Variants in CNTN6 observed in about 807,000 individuals in gnomAD.
CNTN6 encodes the protein contactin-6.
CNTN6 carries 137 observed loss-of-function variants against 122.8 expected under a neutral mutation model. The ratio of observed to expected loss-of-function variants is 1.12; its 90% CI spans 0.97 to 1.29. The LOEUF (loss-of-function observed/expected upper bound fraction) is 1.29. CNTN6 is among the 50% of genes most tolerant of loss of function. The pLI is 0.00. For missense variants in CNTN6, 1,634 were observed against 1,223.4 expected (o/e 1.34, Z -5.01); for synonymous variants, 570 against 426.0 (o/e 1.34, Z -4.16).
At chr3:1,182,692 T>TAA (rs2093573732) in intron 2 of CNTN6, among the ~76,000 whole-genome samples, 1 of 151,944 alleles carries the variant, frequency 6.6e-6, no homozygotes, top group African/African-American at 2.4e-5. Context: ...TTCATATGAG[T>TAA]AAAAGAACAG....
At chr3:1,260,117 A>G (rs768028162) in intron 4 of CNTN6, among the ~76,000 whole-genome samples, 3 of 152,148 alleles carry the variant, frequency 2.0e-5, no homozygotes, top group Non-Finnish European at 4.4e-5. Context: ...AATTTAGTGA[A>G]AGTGCCTATA....
At chr3:1,389,736 C>CA (rs1693809070) in intron 20 of CNTN6, among the ~76,000 whole-genome samples, 1 of 149,334 alleles carries the variant, frequency 6.7e-6, no homozygotes, top group South Asian at 2.2e-4. Flanking sequence ...CAATGGAAAA[C>CA]AAAAAAAGGC....
At chr3:1,244,826 A>C (rs150383579) in intron 4 of CNTN6, among the ~76,000 whole-genome samples, 8,645 of 151,188 alleles carry the variant, frequency 0.057, 337 homozygotes, top group East Asian at 0.14. Flanking sequence ...GGTGGATCTC[A>C]CAAAGTACAT....
intron 5 of CNTN6, among the ~76,000 whole-genome samples, chr3:1,292,644 G>C (rs990186182): frequency 6.6e-6 from 1 of 152,290 alleles, no homozygotes; most frequent in East Asian, 1.9e-4. Flanking sequence ...GAACGGTTCA[G>C]AGTAAGAATA....
In CNTN6 at chr3:1,190,788, C is replaced by G. The variant is rs563828102; in HGVS notation, c.56-29899C>G. Among the ~76,000 whole-genome samples the G allele has an allele frequency of 1.1e-4, 16 of 152,244 alleles. No homozygotes were observed. The East Asian group carries it at 2.9e-3, about 28-fold the overall frequency. ...TCAGCCTGTTCTTTTTGACGCGTGA[C>G]TCACTATCTAGGGATCCCCTTCTGT... On this transcript the variant is annotated intron_variant, in intron 2 of 22. Transcript: ENST00000446702.
Position 1,251,893 on chromosome 3 carries a change from T to C in CNTN6, c.358+23900T>C, listed in dbSNP as rs572936728. ...TTAGTTCTGATTCAGGTCTGACTCA[T>C]TGCCTAGTCCCTGAGCCAGGATGGA... On this transcript the variant is annotated intron_variant, in intron 4 of 22. Coordinates refer to ENST00000446702, the MANE Select transcript of CNTN6 (RefSeq NM_001289080.2). Among the ~76,000 whole-genome samples the C allele has an allele frequency of 2.0e-5, 3 of 152,326 alleles. No homozygotes were observed. The South Asian group carries it at 6.2e-4, about 32-fold the overall frequency.
chr3:1,306,601 G>A (rs1240183010), intron 7 of CNTN6, among the ~76,000 whole-genome samples: 1 of 152,078 alleles, frequency 6.6e-6, no homozygotes, highest in Non-Finnish European at 1.5e-5. Context: ...ATAGCTGGAT[G>A]ACTTTGGTCA....
intron 12 of CNTN6, among the ~76,000 whole-genome samples, chr3:1,353,000 C>A (rs1057089859): frequency 2.0e-5 from 3 of 151,708 alleles, no homozygotes; most frequent in Non-Finnish European, 3.0e-5. Context: ...TAAACTCATA[C>A]AATTTATAGA....
intron 4 of CNTN6, among the ~76,000 whole-genome samples, chr3:1,264,453 A>G (rs1368872307): frequency 6.6e-6 from 1 of 152,174 alleles, no homozygotes; most frequent in East Asian, 1.9e-4. Flanking sequence ...TTTGAGGAGC[A>G]GCCACATAGA....
At chr3:1,173,657 C>G (rs2125306779) in intron 2 of CNTN6, among the ~76,000 whole-genome samples, 1 of 152,008 alleles carries the variant, frequency 6.6e-6, no homozygotes, top group Non-Finnish European at 1.5e-5. Flanking sequence ...TTATTGTCAT[C>G]TTTATTTGGC....
At chr3:1,181,751 A>G (rs1442179294) in intron 2 of CNTN6, among the ~76,000 whole-genome samples, 1 of 152,106 alleles carries the variant, frequency 6.6e-6, no homozygotes, top group Non-Finnish European at 1.5e-5. Context: ...CAGCTAGGTT[A>G]TTCATGGGTG....
Position 1,227,798 on chromosome 3 carries a change from TA to T in CNTN6, c.183-19del. 6.2e-7 allele frequency: 1 copy of T among 1,610,302 alleles called. No homozygotes were observed. Among genetic ancestry groups the T allele is most frequent in the Non-Finnish European group, 8.5e-7 (1 of 1,177,284 alleles). On this transcript the variant is annotated intron_variant, in intron 3 of 22. Transcript: ENST00000446702. ...TTGACTCTGTATATTATAAGCACTT[TA>T]TTTTTTTTTTCCTTGAAGGTGGAAG... is the stretch of plus-strand genomic sequence containing the variant.
intron 17 of CNTN6, among the ~76,000 whole-genome samples, chr3:1,378,890 G>A (rs989847169): frequency 6.6e-6 from 1 of 152,118 alleles, no homozygotes; most frequent in East Asian, 1.9e-4. Flanking sequence ...TAAGTAGTAA[G>A]TTAACCATAT....
chr3:1,337,734 C>T (rs1306470298), intron 11 of CNTN6, among the ~76,000 whole-genome samples: 1 of 152,196 alleles, frequency 6.6e-6, no homozygotes, highest in Non-Finnish European at 1.5e-5. Flanking sequence ...TGTTCATACT[C>T]AACTCCTGAG....
intron 7 of CNTN6, among the ~76,000 whole-genome samples, chr3:1,302,368 T>A (rs1047332622): frequency 7.9e-5 from 12 of 152,162 alleles, no homozygotes; most frequent in African/African-American, 2.9e-4. Context: ...AAAAGCTAGT[T>A]GACTTGAGGA....
At chr3:1,262,044 A>G (rs1004086139) in intron 4 of CNTN6, among the ~76,000 whole-genome samples, 2 of 152,194 alleles carry the variant, frequency 1.3e-5, no homozygotes, top group African/African-American at 4.8e-5. Flanking sequence ...ACAACTGGAC[A>G]GTGATCTCCT....
At position 1,157,191 on chromosome 3, in the gene CNTN6, CTT is replaced by C. The variant is rs141760155; in HGVS notation, c.55+9131_55+9132del. Reference sequence around the variant, plus strand: ...GTGTCACAAACAATCTAATTATACTCTTTTATTTATTTATTTATTTATTTATT... The same window carrying C: ...GTGTCACAAACAATCTAATTATACTCTTATTTATTTATTTATTTATTTATT... On this transcript the variant is annotated intron_variant, in intron 2 of 22. Coordinates refer to ENST00000446702, the MANE Select transcript of CNTN6 (RefSeq NM_001289080.2). Among the ~76,000 whole-genome samples, 282 of 102,638 alleles carry C rather than the reference CTT, an allele frequency of 2.7e-3. No homozygotes were observed. In the East Asian group the frequency reaches 0.074, roughly 27 times the overall value. The allele number at this position is 102,638 out of a possible 152,430, so 67.3% of individuals were successfully genotyped here.
At chr3:1,383,975 C>G (rs542891951) in intron 19 of CNTN6, among the ~76,000 whole-genome samples, 1 of 150,942 alleles carries the variant, frequency 6.6e-6, no homozygotes, top group Non-Finnish European at 1.5e-5. Context: ...AGCCTCTTCC[C>G]TGTTTCAGTC....
intron 2 of CNTN6, among the ~76,000 whole-genome samples, chr3:1,168,642 C>A (rs909507418): frequency 1.3e-5 from 2 of 151,756 alleles, no homozygotes; most frequent in African/African-American, 4.8e-5. Context: ...TTTACAGATC[C>A]CAGGTCTGGG....
Sources: allele counts gnomAD v4.1 joint callset (sites outside exome capture counted in the v4.1 genomes callset), GRCh38; gene constraint gnomAD v4.1.1; transcripts MANE v1.5; gene names NCBI Gene and HGNC (gene_info 2026-07-23, HGNC 2026-07-21).